Variants in LTBP1 observed in about 807,000 individuals in gnomAD.
LTBP1 encodes latent transforming growth factor beta binding protein 1.
Under a neutral mutation model 207.6 loss-of-function variants are expected in LTBP1, and 129 were observed. The ratio of observed to expected loss-of-function variants is 0.62; its 90% CI spans 0.54 to 0.72. The LOEUF is 0.72. Ranked by LOEUF, LTBP1 falls within the 30% of genes least tolerant of loss-of-function variation. The probability of loss-of-function intolerance (pLI) is 0.00; values close to 1 mark genes in which losing one functional copy is unlikely to be tolerated. For synonymous variants in LTBP1, 963 were observed against 833.7 expected (o/e 1.16, Z -2.67); for missense variants, 2,281 against 2,217.2 (o/e 1.03, Z -0.58).
intron 5 of LTBP1, among the ~76,000 whole-genome samples, chr2:33,162,403 A>G (rs531040190): frequency 3.0e-4 from 46 of 152,274 alleles, no homozygotes; most frequent in Non-Finnish European, 6.0e-4. Flanking sequence ...AAATCCTCTC[A>G]ATCTCTGGGC....
intron 3 of LTBP1, among the ~76,000 whole-genome samples, chr2:33,110,363 G>T (rs976245125): frequency 6.6e-6 from 1 of 152,146 alleles, no homozygotes; most frequent in African/African-American, 2.4e-5. Context: ...TAACTAGACA[G>T]GCAGGATCTT....
At chr2:33,234,803 A>G (rs2091962373) in intron 9 of LTBP1, among the ~76,000 whole-genome samples, 1 of 152,138 alleles carries the variant, frequency 6.6e-6, no homozygotes, top group Non-Finnish European at 1.5e-5. Flanking sequence ...GAGGCATCAC[A>G]CTACCTGACT....
intron 18 of LTBP1, among the ~76,000 whole-genome samples, chr2:33,277,825 CTTTCTT>C (rs1298904344): frequency 2.3e-5 from 2 of 86,400 alleles, no homozygotes; most frequent in East Asian, 4.8e-4. Flanking sequence ...TTCTTTCTTT[CTTTCTT>C]TTTTTTTTTT....
intron 2 of LTBP1, among the ~76,000 whole-genome samples, chr2:33,011,057 A>G (rs1687611781): frequency 6.6e-6 from 1 of 152,144 alleles, no homozygotes; most frequent in Non-Finnish European, 1.5e-5. Context: ...GGATGGTTCT[A>G]ACTTTTACCA....
chr2:33,149,380 T>C (rs952821323), intron 5 of LTBP1, among the ~76,000 whole-genome samples: 1 of 152,162 alleles, frequency 6.6e-6, no homozygotes, highest in Non-Finnish European at 1.5e-5. Flanking sequence ...GACAACATCT[T>C]AGACCCTGTT....
intron 5 of LTBP1, among the ~76,000 whole-genome samples, chr2:33,157,585 G>A (rs909704545): frequency 2.0e-5 from 3 of 152,150 alleles, no homozygotes; most frequent in Non-Finnish European, 2.9e-5. Flanking sequence ...GCAGACCCAG[G>A]CTTCTGACTC....
chr2:32,976,298 C>T (rs913788696), intron 2 of LTBP1, among the ~76,000 whole-genome samples: 4 of 152,152 alleles, frequency 2.6e-5, no homozygotes, highest in African/African-American at 9.7e-5. Flanking sequence ...TGGGGGGTGC[C>T]AGCCAACACC....
chr2:33,362,406 A>G (rs2094937072), intron 28 of LTBP1, among the ~76,000 whole-genome samples: 1 of 152,162 alleles, frequency 6.6e-6, no homozygotes, highest in African/African-American at 2.4e-5. Context: ...TATGTGTTGA[A>G]TGGTTTCCAA....
chr2:33,295,544 A>G (rs1372805058), intron 20 of LTBP1, among the ~76,000 whole-genome samples: 1 of 151,422 alleles, frequency 6.6e-6, no homozygotes, highest in Non-Finnish European at 1.5e-5. Flanking sequence ...AATGATGATA[A>G]TAATAATAAT....
intron 2 of LTBP1, among the ~76,000 whole-genome samples, chr2:33,008,995 C>T (rs1176278165): frequency 6.6e-6 from 1 of 152,168 alleles, no homozygotes; most frequent in African/African-American, 2.4e-5. Context: ...AAGGAAATGA[C>T]ATGGGAGAGA....
At position 33,398,422 on chromosome 2, in the gene LTBP1, C is replaced by T. The variant is rs112049652; in HGVS notation, c.5043C>T (p.Cys1681=). Residue 1681 remains cysteine, a synonymous_variant, in exon 34 of 34, where the codon TGC becomes TGT. Coordinates refer to ENST00000404816, the MANE Select transcript of LTBP1 (RefSeq NM_206943.4). ...TGTCTCTCTGCAAGAATGCCAAGTG[C>T]ATTAACACCGATGGTTCCTACAAGT... ...NRMSLCKNAK[C]INTDGSYKCL... 54 of 1,614,170 alleles carry T rather than the reference C, an allele frequency of 3.3e-5. 2 individuals are homozygous for T. Among genetic ancestry groups the T allele is most frequent in the African/African-American group, 3.2e-4 (24 of 75,056 alleles).
chr2:33,024,468 G>C (rs1310252572), intron 3 of LTBP1, among the ~76,000 whole-genome samples: 1 of 152,182 alleles, frequency 6.6e-6, no homozygotes, highest in African/African-American at 2.4e-5. Flanking sequence ...GATGTTTGAG[G>C]AACAGCTAGT....
intron 3 of LTBP1, among the ~76,000 whole-genome samples, chr2:33,101,153 C>A (rs929136282): frequency 1.2e-4 from 18 of 152,156 alleles, no homozygotes; most frequent in Admixed American, 5.9e-4. Flanking sequence ...TTGACTCTTA[C>A]AAACTCATTA....
At chr2:33,164,219 C>T (rs1295506166) in intron 5 of LTBP1, among the ~76,000 whole-genome samples, 1 of 151,604 alleles carries the variant, frequency 6.6e-6, no homozygotes, top group Non-Finnish European at 1.5e-5. Context: ...TGTGGTGGTG[C>T]ATGCCTGTAA....
intron 3 of LTBP1, among the ~76,000 whole-genome samples, chr2:33,034,846 G>A (rs2075844522): frequency 6.6e-6 from 1 of 151,964 alleles, no homozygotes; most frequent in Admixed American, 6.6e-5. Context: ...ATTAGTAGAA[G>A]GGTTTAAATA....
chr2:33,357,801 A>G (rs2094881989), intron 26 of LTBP1, among the ~76,000 whole-genome samples: 1 of 152,266 alleles, frequency 6.6e-6, no homozygotes, highest in African/African-American at 2.4e-5. Flanking sequence ...TGAGATATGT[A>G]GTACAGCTAA....
In LTBP1 at chr2:33,398,435, G is replaced by A; in HGVS notation, c.5056G>A (p.Gly1686Ser). Residue 1686 changes from glycine to serine, a missense_variant, in exon 34 of 34, where the codon GGT becomes AGT. Physicochemically the swap from Gly to Ser is moderately conservative, Grantham distance 56. Around this residue, in one of 3 missense-constraint regions of LTBP1, gnomAD observed 1,671 missense variants for 1,634.8 expected, o/e 1.02. Transcript: ENST00000404816. ...CKNAKCINTD[G>S]SYKCLCLPGY... ...GAATGCCAAGTGCATTAACACCGAT[G>A]GTTCCTACAAGTGTTTGTGTCTGCC... 6.2e-7 allele frequency: 1 copy of A among 1,614,168 alleles called. No individual in the cohort carries two copies. The highest frequency in any genetic ancestry group is 8.5e-7 in the Non-Finnish European group (1 of 1,180,014).
intron 2 of LTBP1, among the ~76,000 whole-genome samples, chr2:32,951,711 G>GA (rs546879837): frequency 1.6e-4 from 25 of 151,906 alleles, no homozygotes; most frequent in East Asian, 3.9e-4. Context: ...GTATTAAGAT[G>GA]AAAAAAAATG....
chr2:33,343,929 A>G (rs1231777721), intron 25 of LTBP1, among the ~76,000 whole-genome samples: 1 of 152,250 alleles, frequency 6.6e-6, no homozygotes, highest in Non-Finnish European at 1.5e-5. Context: ...CTTTATAGAT[A>G]GCAAGACTTT....
Sources: gnomAD v4.1 joint callset for allele counts (sites outside exome capture counted in the v4.1 genomes callset) on GRCh38, gnomAD v4.1.1 for gene constraint, gnomAD v4.1.1 regional missense constraint, MANE v1.5 for transcripts, NCBI Gene and HGNC (gene_info 2026-07-23, HGNC 2026-07-21) for gene names.